The following CACNA2D3 variants were observed in gnomAD, a reference collection of about 807,000 sequenced individuals.
CACNA2D3 encodes calcium voltage-gated channel auxiliary subunit alpha2delta 3, also known as voltage-dependent calcium channel subunit alpha-2/delta-3.
CACNA2D3 carries 60 observed loss-of-function variants against 160.6 expected under a neutral mutation model. The ratio of observed to expected loss-of-function variants is 0.37; its 90% CI spans 0.30 to 0.46. The LOEUF is 0.46. CACNA2D3 is among the 20% of genes least tolerant of loss of function. CACNA2D3 has a pLI of 1.00. For synonymous variants in CACNA2D3, 558 were observed against 492.9 expected, an observed-to-expected ratio of 1.13 and a Z score of -1.75; for missense variants, 1,205 against 1,365.0, an observed-to-expected ratio of 0.88 and a Z score of 1.85.
At chr3:54,460,017 T>G (rs948891652) in intron 4 of CACNA2D3, among the ~76,000 whole-genome samples, 2 of 152,122 alleles carry the variant, frequency 1.3e-5, no homozygotes, top group African/African-American at 4.8e-5. Flanking sequence ...CCAGCACCAT[T>G]TATTAAATAG....
intron 34 of CACNA2D3, among the ~76,000 whole-genome samples, chr3:55,017,052 A>G (rs1405221385): frequency 6.6e-6 from 1 of 152,220 alleles, no homozygotes; most frequent in Non-Finnish European, 1.5e-5. Context: ...GGAATGTAAC[A>G]TGAGAGTTTG....
Position 54,349,935 on chromosome 3 carries a change from T to C in CACNA2D3, c.321+29377T>C, listed in dbSNP as rs1371570102. 2.0e-5 allele frequency among the ~76,000 whole-genome samples: 3 copies of C among 152,248 alleles called. No homozygotes were observed. In the East Asian group the frequency reaches 5.8e-4, roughly 29 times the overall value. On this transcript the variant is annotated intron_variant, in intron 3 of 37. Transcript: ENST00000474759. ...CATGACGTAAATTCTCTTTAACACA[T>C]TCCTTGGACAGAGGGCCCATTGGTT...
chr3:54,689,768 C>G (rs578250803), intron 11 of CACNA2D3, among the ~76,000 whole-genome samples: 2 of 152,226 alleles, frequency 1.3e-5, no homozygotes, highest in South Asian at 4.2e-4. Flanking sequence ...CACATGAACA[C>G]TACACTAGCC....
intron 4 of CACNA2D3, among the ~76,000 whole-genome samples, chr3:54,391,878 G>A (rs761809779): frequency 3.3e-5 from 5 of 152,080 alleles, no homozygotes; most frequent in Non-Finnish European, 7.4e-5. Flanking sequence ...CTTTCTGGTG[G>A]CCTGTGGGTT....
intron 4 of CACNA2D3, among the ~76,000 whole-genome samples, chr3:54,390,484 A>G (rs1699260666): frequency 1.3e-5 from 2 of 152,230 alleles, no homozygotes; most frequent in African/African-American, 4.8e-5. Context: ...CATGTACAAC[A>G]AAAGCATCAG....
chr3:54,571,165 G>C (rs1384037422), intron 8 of CACNA2D3, among the ~76,000 whole-genome samples: 1 of 152,192 alleles, frequency 6.6e-6, no homozygotes, highest in Non-Finnish European at 1.5e-5. Context: ...TTTCTAAAGA[G>C]CTGGGGGTGA....
At chr3:54,993,048 G>C (rs377571818) in intron 31 of CACNA2D3, among the ~76,000 whole-genome samples, 8 of 152,116 alleles carry the variant, frequency 5.3e-5, no homozygotes, top group African/African-American at 1.4e-4. Context: ...CAGTACCAAG[G>C]GGGGAAATCT....
At chr3:54,973,830 AAG>A (rs1403581362) in intron 29 of CACNA2D3, among the ~76,000 whole-genome samples, 35 of 152,320 alleles carry the variant, frequency 2.3e-4, no homozygotes, top group African/African-American at 8.4e-4. Context: ...AAATGATGTG[AAG>A]TAAGTGTCAA....
intron 4 of CACNA2D3, among the ~76,000 whole-genome samples, chr3:54,425,356 G>C (rs147287470): frequency 2.0e-5 from 3 of 150,806 alleles, no homozygotes; most frequent in Admixed American, 2.0e-4. Flanking sequence ...AACAAACAAA[G>C]AAGTCAGAAA....
intron 27 of CACNA2D3, among the ~76,000 whole-genome samples, chr3:54,945,627 G>A (rs1308297423): frequency 1.3e-5 from 2 of 152,126 alleles, no homozygotes; most frequent in Admixed American, 6.5e-5. Flanking sequence ...GTGCCTCTCA[G>A]CCCACCCAAT....
chr3:54,988,624 T>C (rs1481500338), intron 31 of CACNA2D3, among the ~76,000 whole-genome samples: 1 of 152,194 alleles, frequency 6.6e-6, no homozygotes, highest in Non-Finnish European at 1.5e-5. Context: ...TGCACATCGG[T>C]GGCCAGTGGG....
At chr3:54,198,021 A>C (rs2107345887) in intron 2 of CACNA2D3, among the ~76,000 whole-genome samples, 1 of 152,356 alleles carries the variant, frequency 6.6e-6, no homozygotes, top group East Asian at 1.9e-4. Flanking sequence ...GAAAGTAAAA[A>C]TAGCATGCGT....
chr3:54,718,457 A>C (rs1701104818), intron 11 of CACNA2D3, among the ~76,000 whole-genome samples: 2 of 152,106 alleles, frequency 1.3e-5, no homozygotes, highest in Admixed American at 1.3e-4. Flanking sequence ...CGATTTATGG[A>C]AGACAGTTTT....
Position 54,732,339 on chromosome 3 carries a change from A to G in CACNA2D3, c.1168-20260A>G, listed in dbSNP as rs534229143. On this transcript the variant is annotated intron_variant, in intron 11 of 37. Transcript: ENST00000474759. ...ACACGCACATACACTTACAGATCCA[A>G]TGAGAGAAGATGGTCCTTGCTAATG... is the stretch of plus-strand genomic sequence containing the variant. 4.6e-5 allele frequency among the ~76,000 whole-genome samples: 7 copies of G among 152,344 alleles called. No individual in the cohort carries two copies. In the East Asian group the frequency reaches 7.7e-4, roughly 17 times the overall value.
In CACNA2D3 at chr3:54,463,124, A is replaced by G. The variant is rs546238826; in HGVS notation, c.382-40368A>G. Among the ~76,000 whole-genome samples the G allele has an allele frequency of 3.3e-5, 5 of 152,074 alleles. No individual in the cohort carries two copies. The East Asian group carries it at 9.7e-4, about 29-fold the overall frequency. ...TGGCCCCCACTCTCTTCTGGCTTGT[A>G]GAGTTTCCGCCGAGAGATCCGCTGT... On this transcript the variant is annotated intron_variant, in intron 4 of 37. Coordinates refer to ENST00000474759, the MANE Select transcript of CACNA2D3 (RefSeq NM_018398.3).
At chr3:54,345,444 C>A (rs1161527634) in intron 3 of CACNA2D3, among the ~76,000 whole-genome samples, 6 of 152,062 alleles carry the variant, frequency 3.9e-5, no homozygotes, top group Admixed American at 6.6e-5. Context: ...TGAAGGGAAA[C>A]CAGCTGGTCA....
chr3:54,295,610 G>T (rs1423846890), intron 2 of CACNA2D3, among the ~76,000 whole-genome samples: 3 of 152,156 alleles, frequency 2.0e-5, no homozygotes, highest in African/African-American at 7.2e-5. Flanking sequence ...TTGAATTTCT[G>T]ATTAGCCTTT....
At chr3:54,597,163 C>T (rs1221500107) in intron 9 of CACNA2D3, among the ~76,000 whole-genome samples, 1 of 152,220 alleles carries the variant, frequency 6.6e-6, no homozygotes, top group Non-Finnish European at 1.5e-5. Context: ...AACCTTCTTT[C>T]ATTAGGGTGA....
At chr3:54,562,051 A>G (rs146888631) in intron 5 of CACNA2D3, among the ~76,000 whole-genome samples, 96 of 152,288 alleles carry the variant, frequency 6.3e-4, no homozygotes, top group African/African-American at 2.3e-3. Context: ...CCATGATTCA[A>G]TTATCTCCTA....
Sources: gnomAD v4.1 joint callset for allele counts (sites outside exome capture counted in the v4.1 genomes callset) on GRCh38, gnomAD v4.1.1 for gene constraint, MANE v1.5 for transcripts, NCBI Gene and HGNC (gene_info 2026-07-23, HGNC 2026-07-21) for gene names.